The following RBM20 variants were observed in gnomAD, a reference collection of about 807,000 sequenced individuals.
RBM20 encodes the protein RNA-binding protein 20.
Under a neutral mutation model 110.1 loss-of-function variants are expected in RBM20, and 51 were observed. The ratio of observed to expected loss-of-function variants is 0.46; its 90% CI spans 0.37 to 0.59. The LOEUF (loss-of-function observed/expected upper bound fraction) is 0.59. Ranked by LOEUF, RBM20 falls within the 20% of genes least tolerant of loss-of-function variation. The probability of loss-of-function intolerance (pLI) is 0.00; values close to 1 mark genes in which losing one functional copy is unlikely to be tolerated. For synonymous variants in RBM20, 589 were observed against 618.2 expected (o/e 0.95, Z 0.70); for missense variants, 1,512 against 1,574.9 (o/e 0.96, Z 0.68).
chr10:110,698,776 C>T (rs936790212), intron 1 of RBM20, among the ~76,000 whole-genome samples: 3 of 152,160 alleles, frequency 2.0e-5, no homozygotes, highest in South Asian at 2.1e-4. Context: ...CAAATAGCCC[C>T]GCACCATGTG....
chr10:110,704,268 A>G (rs1194376097), intron 1 of RBM20, among the ~76,000 whole-genome samples: 1 of 152,214 alleles, frequency 6.6e-6, no homozygotes, highest in African/African-American at 2.4e-5. Flanking sequence ...GTATATATGT[A>G]CCACAGTTTG....
intron 1 of RBM20, among the ~76,000 whole-genome samples, chr10:110,767,203 G>C (rs549783072): frequency 2.3e-5 from 3 of 130,930 alleles, no homozygotes; most frequent in African/African-American, 8.7e-5. Flanking sequence ...GCGGCTGGCC[G>C]GGCGGGGGGG....
chr10:110,830,781 A>G (rs1845040837), intron 12 of RBM20, among the ~76,000 whole-genome samples: 1 of 152,260 alleles, frequency 6.6e-6, no homozygotes, highest in Non-Finnish European at 1.5e-5. Flanking sequence ...GTAGGAGAAC[A>G]GGCCAGCGGC....
At chr10:110,724,474 C>A (rs1355853659) in intron 1 of RBM20, among the ~76,000 whole-genome samples, 2 of 152,162 alleles carry the variant, frequency 1.3e-5, no homozygotes, top group South Asian at 2.1e-4. Flanking sequence ...GAGAGTGCTT[C>A]GTCAAGATTT....
chr10:110,793,065 G>A (rs1234192124), intron 5 of RBM20, among the ~76,000 whole-genome samples: 3 of 152,140 alleles, frequency 2.0e-5, no homozygotes, highest in African/African-American at 7.2e-5. Flanking sequence ...AGCCACATAA[G>A]CATATATATT....
chr10:110,748,948 G>T (rs1001855560), intron 1 of RBM20, among the ~76,000 whole-genome samples: 2 of 152,180 alleles, frequency 1.3e-5, no homozygotes, highest in African/African-American at 4.8e-5. Flanking sequence ...GTGTTTTGTG[G>T]TGGATGGGAA....
intron 11 of RBM20, among the ~76,000 whole-genome samples, chr10:110,823,126 C>T (rs964585689): frequency 5.3e-5 from 8 of 151,874 alleles, no homozygotes; most frequent in Non-Finnish European, 7.4e-5. Context: ...CAATTTTTGC[C>T]CGTCAGTAAT....
At chr10:110,719,917 G>A (rs144315920) in intron 1 of RBM20, among the ~76,000 whole-genome samples, 124 of 151,742 alleles carry the variant, frequency 8.2e-4, no homozygotes, top group Non-Finnish European at 1.2e-3. Flanking sequence ...TATTTTTAAC[G>A]GCTCTGGAGG....
intron 1 of RBM20, among the ~76,000 whole-genome samples, chr10:110,683,661 T>C (rs1022543843): frequency 6.6e-6 from 1 of 152,256 alleles, no homozygotes; most frequent in East Asian, 1.9e-4. Context: ...TCAGTCTAAA[T>C]GATTTTGCCT....
intron 1 of RBM20, among the ~76,000 whole-genome samples, chr10:110,747,298 G>C (rs968982289): frequency 1.0e-4 from 14 of 138,806 alleles, no homozygotes; most frequent in South Asian, 6.7e-4. Context: ...TCTTTTTTTG[G>C]GGGGGGGGGT....
At chr10:110,791,785 T>C (rs1277435171) in intron 5 of RBM20, among the ~76,000 whole-genome samples, 1 of 152,198 alleles carries the variant, frequency 6.6e-6, no homozygotes, top group East Asian at 1.9e-4. Flanking sequence ...AAAGCCTCCC[T>C]GAGGCTGAAA....
intron 1 of RBM20, among the ~76,000 whole-genome samples, chr10:110,653,515 A>G (rs1340048998): frequency 1.4e-5 from 2 of 147,330 alleles, no homozygotes; most frequent in Non-Finnish European, 3.0e-5. Flanking sequence ...TTGTCAGATA[A>G]TCTCTCATAT....
chr10:110,680,196 TG>T (rs1403671126), intron 1 of RBM20, among the ~76,000 whole-genome samples: 2 of 151,996 alleles, frequency 1.3e-5, no homozygotes, highest in Admixed American at 1.3e-4. Context: ...ATGTTCTTGG[TG>T]GGGGCGGAAG....
chr10:110,769,339 G>A (rs1279300290), intron 1 of RBM20, among the ~76,000 whole-genome samples: 3 of 152,106 alleles, frequency 2.0e-5, no homozygotes, highest in African/African-American at 7.2e-5. Flanking sequence ...TGATGGGGGT[G>A]GGTGTTGACT....
intron 1 of RBM20, among the ~76,000 whole-genome samples, chr10:110,766,776 T>G (rs1269370028): frequency 6.6e-6 from 1 of 151,542 alleles, no homozygotes; most frequent in African/African-American, 2.4e-5. Flanking sequence ...TTCCCCGCCT[T>G]TCCCCTCTTT....
intron 1 of RBM20, among the ~76,000 whole-genome samples, chr10:110,664,828 C>T (rs140645295): frequency 4.7e-4 from 72 of 151,742 alleles, no homozygotes; most frequent in East Asian, 4.1e-3. Context: ...GCTGGGGAAC[C>T]AACTTTCATC....
At chr10:110,657,349 G>T (rs761771275) in intron 1 of RBM20, among the ~76,000 whole-genome samples, 2 of 151,744 alleles carry the variant, frequency 1.3e-5, no homozygotes, top group South Asian at 4.2e-4. Context: ...ATCCTAGTGG[G>T]TGTATGAAGT....
rs1844789407 is a variant in RBM20, at chr10:110,812,731, C to T, written c.2334C>T (p.Ala778=). ...SDKYLKQQQD[A]PGRSRRKDEA... ...AGTATCTGAAGCAGCAGCAGGATGC[C>T]CCCGGGAGGTCCAGGAGGAAAGACG... The change falls in exon 9 of 14, where the codon GCC becomes GCT. Residue 778 remains alanine, a synonymous_variant. Transcript: ENST00000369519. The T allele has an allele frequency of 6.4e-7, 1 of 1,551,704 alleles. No individual in the cohort carries two copies. The highest frequency in any genetic ancestry group is 8.7e-7 in the Non-Finnish European group (1 of 1,147,002).
chr10:110,750,182 G>A (rs370155517), intron 1 of RBM20, among the ~76,000 whole-genome samples: 5 of 152,184 alleles, frequency 3.3e-5, no homozygotes, highest in Admixed American at 3.3e-4. Context: ...GGGGACACAA[G>A]GGCTTGTTAC....
Sources: allele counts gnomAD v4.1 joint callset (sites outside exome capture counted in the v4.1 genomes callset), GRCh38; gene constraint gnomAD v4.1.1; transcripts MANE v1.5; gene names NCBI Gene and HGNC (gene_info 2026-07-23, HGNC 2026-07-21).